Variants in STK3 observed in about 807,000 individuals in gnomAD.
STK3 encodes serine/threonine-protein kinase 3.
STK3 carries 41 observed loss-of-function variants against 58.0 expected under a neutral mutation model. That is an observed-to-expected ratio of 0.71 (90% CI 0.55 to 0.92). STK3 has a LOEUF of 0.92. Among genes scored for constraint, STK3 ranks in the 40% least tolerant of loss-of-function variants. The pLI is 0.00. For synonymous variants in STK3, 170 were observed against 191.0 expected, an observed-to-expected ratio of 0.89 and a Z score of 0.91; for missense variants, 479 against 602.7, an observed-to-expected ratio of 0.79 and a Z score of 2.15.
chr8:98,530,049 A>G (rs1216770920), intron 9 of STK3, among the ~76,000 whole-genome samples: 2 of 152,248 alleles, frequency 1.3e-5, no homozygotes, highest in South Asian at 2.1e-4. Flanking sequence ...GTTCCAGACC[A>G]CTGCAATAAT....
intron 3 of STK3, among the ~76,000 whole-genome samples, chr8:98,410,150 G>A (rs188846661): frequency 3.3e-5 from 5 of 152,072 alleles, no homozygotes; most frequent in Admixed American, 1.3e-4. Flanking sequence ...GGCTAAAATC[G>A]GTTTGGAAGA....
intron 1 of STK3, among the ~76,000 whole-genome samples, chr8:98,807,861 T>C (rs1437341054): frequency 6.6e-6 from 1 of 152,194 alleles, no homozygotes; most frequent in Admixed American, 6.5e-5. Flanking sequence ...ATGAGGAATG[T>C]TAAGAACAGA....
At chr8:98,457,708 G>T (rs1405381620) in intron 10 of STK3, among the ~76,000 whole-genome samples, 1 of 152,052 alleles carries the variant, frequency 6.6e-6, no homozygotes. Flanking sequence ...AGATAAATAT[G>T]AATAAGAATA....
At chr8:98,527,737 CCT>C (rs1325497705) in intron 9 of STK3, among the ~76,000 whole-genome samples, 1 of 152,124 alleles carries the variant, frequency 6.6e-6, no homozygotes, top group Non-Finnish European at 1.5e-5. Flanking sequence ...TTTCTGATTC[CCT>C]CTGTCCCTGG....
chr8:98,897,596 A>G (rs1037530983), intron 1 of STK3, among the ~76,000 whole-genome samples: 2 of 152,148 alleles, frequency 1.3e-5, no homozygotes, highest in Non-Finnish European at 2.9e-5. Flanking sequence ...CTCCGTCTCA[A>G]AAACAAACAA....
rs374020155 is a variant in STK3, at chr8:98,500,950, G to T, written c.1317+25792C>A. On this transcript the variant is annotated intron_variant, in intron 10 of 10. Coordinates refer to ENST00000419617, the MANE Select transcript of STK3 (RefSeq NM_006281.4). ...AGTAATGGGATCTCTGGGTCAAATG[G>T]TATTTCTAGTTCTAGATCCTTGAGG... Among the ~76,000 whole-genome samples the T allele has an allele frequency of 3.9e-5, 6 of 152,262 alleles. No homozygotes were observed. The East Asian group carries it at 7.7e-4, about 20-fold the overall frequency.
intron 6 of STK3, among the ~76,000 whole-genome samples, chr8:98,700,135 C>G (rs2131023536): frequency 6.6e-6 from 1 of 152,324 alleles, no homozygotes; most frequent in Non-Finnish European, 1.5e-5. Flanking sequence ...TCCTAGCAAT[C>G]AGCGAGACTC....
Position 98,697,206 on chromosome 8 carries a change from A to C in STK3, c.684+9261T>G, listed in dbSNP as rs1269789492. 2.0e-5 allele frequency among the ~76,000 whole-genome samples: 3 copies of C among 151,798 alleles called. No individual in the cohort carries two copies. The South Asian group carries it at 6.3e-4, about 32-fold the overall frequency. ...TTTCTGTGGGATTGGTGGTGATTTC[A>C]CCTTTATCATTTTTTATTGTGTCTA... On this transcript the variant is annotated intron_variant, in intron 6 of 10. Coordinates refer to ENST00000419617, the MANE Select transcript of STK3 (RefSeq NM_006281.4).
intron 3 of STK3, among the ~76,000 whole-genome samples, chr8:98,408,400 G>A (rs1411052472): frequency 6.6e-6 from 1 of 152,214 alleles, no homozygotes; most frequent in African/African-American, 2.4e-5. Flanking sequence ...ATGTAGAACA[G>A]ATCAATTTGG....
chr8:98,352,396 A>T, the STK3 span, among the ~76,000 whole-genome samples: 7 of 152,334 alleles, frequency 4.6e-5, no homozygotes, highest in Admixed American at 6.5e-5. Flanking sequence ...GTGAGCACAC[A>T]TACAGGTTGA....
rs1268694909 is a variant in STK3, at chr8:98,434,434, C to T, written n.292-116G>A. The T allele has an allele frequency of 2.0e-5, 3 of 152,352 alleles. No individual in the cohort carries two copies. In the South Asian group the frequency reaches 6.2e-4, roughly 32 times the overall value. The allele number at this position is 152,352 out of a possible 1,614,324, so 9.4% of individuals were successfully genotyped here. ...GGGAAGAACTTAAATGTTGCATGTA[C>T]ACGGTTATTATCTCCTCCTACTTTT... On this transcript the variant is annotated intron_variant and non_coding_transcript_variant, in intron 2 of 3. Coordinates refer to the STK3 transcript ENST00000517832.
downstream of STK3, among the ~76,000 whole-genome samples, chr8:98,398,005 T>C (rs1023770037): frequency 1.3e-5 from 2 of 152,220 alleles, no homozygotes; most frequent in Non-Finnish European, 2.9e-5. Flanking sequence ...TAGTTCTTTA[T>C]AGCTGTGTGA....
intron 3 of STK3, chr8:98,430,510 A>G (rs1418618228): frequency 1.2e-5 from 2 of 167,072 alleles, no homozygotes; most frequent in East Asian, 3.8e-4. Context: ...TCATCAAATG[A>G]GAGCCCTTTT....
chr8:98,624,670 T>C (rs542772931), intron 6 of STK3, among the ~76,000 whole-genome samples: 2 of 152,120 alleles, frequency 1.3e-5, no homozygotes, highest in South Asian at 2.1e-4. Context: ...CTGGGCAACA[T>C]GGTGAAACCC....
intron 1 of STK3, among the ~76,000 whole-genome samples, chr8:98,789,873 A>G (rs951192965): frequency 3.9e-5 from 6 of 152,054 alleles, no homozygotes; most frequent in African/African-American, 1.4e-4. Context: ...CTTAAAATAG[A>G]AAAAAGTAGC....
At chr8:98,711,731 C>A (rs193292877) in intron 4 of STK3, among the ~76,000 whole-genome samples, 7 of 152,312 alleles carry the variant, frequency 4.6e-5, no homozygotes, top group Non-Finnish European at 8.8e-5. Context: ...TCCAGGAGAA[C>A]TTCCTCAACC....
intron 8 of STK3, 95 bp downstream of exon 8, chr8:98,579,569 A>C: frequency 7.2e-7 from 1 of 1,394,388 alleles, no homozygotes; most frequent in Middle Eastern, 2.1e-4. Context: ...TCTTACTTGT[A>C]TAGTAAAACA....
At chr8:98,533,787 G>A (rs954218232) in intron 9 of STK3, among the ~76,000 whole-genome samples, 2 of 152,122 alleles carry the variant, frequency 1.3e-5, no homozygotes, top group South Asian at 2.1e-4. Context: ...ACCATACCTC[G>A]CTGAGTTATG....
chr8:98,749,947 T>G (rs1400347968), intron 3 of STK3, among the ~76,000 whole-genome samples: 2 of 152,142 alleles, frequency 1.3e-5, no homozygotes, highest in African/African-American at 4.8e-5. Flanking sequence ...GAATAAACTA[T>G]GTTTATAGCC....
Sources: allele counts gnomAD v4.1 joint callset (sites outside exome capture counted in the v4.1 genomes callset), GRCh38; gene constraint gnomAD v4.1.1; transcripts MANE v1.5; gene names NCBI Gene and HGNC (gene_info 2026-07-23, HGNC 2026-07-21).